The following ABCG2 variants were observed in gnomAD, a reference collection of about 807,000 sequenced individuals.
ABCG2 encodes ATP binding cassette subfamily G member 2 (JR blood group).
In ABCG2, 80 loss-of-function variants were observed where a neutral mutation model predicts 73.5. The observed-to-expected ratio is 1.09, with a 90% CI of 0.91 to 1.31. The LOEUF (loss-of-function observed/expected upper bound fraction) is 1.31, where lower values mean the gene tolerates loss of function less well. Ranked by LOEUF, ABCG2 falls within the 50% of genes most tolerant of loss-of-function variation. The pLI is 0.00. For synonymous variants in ABCG2, 269 were observed against 282.4 expected, an observed-to-expected ratio of 0.95 and a Z score of 0.48; for missense variants, 796 against 786.2, an observed-to-expected ratio of 1.01 and a Z score of -0.15.
intron 1 of ABCG2, among the ~76,000 whole-genome samples, chr4:88,182,355 A>G: frequency 6.6e-6 from 1 of 152,208 alleles, no homozygotes; most frequent in East Asian, 1.9e-4. Context: ...CAGACAGAAA[A>G]TCAACAAAGA....
chr4:88,174,081 G>T (rs1276741379), intron 1 of ABCG2, among the ~76,000 whole-genome samples: 2 of 151,932 alleles, frequency 1.3e-5, no homozygotes, highest in Admixed American at 1.3e-4. Flanking sequence ...TTTGTAGACA[G>T]GGTTTTTGAA....
At chr4:88,205,807 A>G (rs1229578528) in intron 1 of ABCG2, among the ~76,000 whole-genome samples, 1 of 152,112 alleles carries the variant, frequency 6.6e-6, no homozygotes, top group Non-Finnish European at 1.5e-5. Flanking sequence ...ATCAACCCCC[A>G]GAGTAGCTGG....
Position 88,230,308 on chromosome 4 carries a change from T to TATATATATA in ABCG2, c.-20+685_-20+686insTATATATAT, listed in dbSNP as rs746680651. ...CGCACCTGTTATATATATATATATA[T>TATATATATA]TTTTTTTTTTGGCCACATATATATA... On this transcript the variant is annotated intron_variant, in intron 1 of 15. Transcript: ENST00000515655. 2.6e-3 allele frequency among the ~76,000 whole-genome samples: 252 copies of TATATATATA among 96,198 alleles called. 27 individuals are homozygous for TATATATATA. The highest frequency in any genetic ancestry group is 0.013 in the Middle Eastern group (2 of 158). 63.1% of individuals were successfully genotyped at this position (96,198 alleles called of 152,430 possible).
intron 1 of ABCG2, among the ~76,000 whole-genome samples, chr4:88,176,867 AATTTCCTGAAGTGATAGT>A (rs1483690120): frequency 6.6e-6 from 1 of 151,998 alleles, no homozygotes; most frequent in Non-Finnish European, 1.5e-5. Flanking sequence ...TTCTATACTT[AATTTCCTGAAGTGATAGT>A]ATTTCTCTAT....
At chr4:88,185,262 G>A (rs1728406467) in intron 1 of ABCG2, among the ~76,000 whole-genome samples, 1 of 152,180 alleles carries the variant, frequency 6.6e-6, no homozygotes, top group Non-Finnish European at 1.5e-5. Context: ...TACTCGTGAG[G>A]CTGAGGGAGG....
At chr4:88,189,118 G>A (rs1369867755) in intron 1 of ABCG2, among the ~76,000 whole-genome samples, 1 of 152,124 alleles carries the variant, frequency 6.6e-6, no homozygotes, top group Non-Finnish European at 1.5e-5. Flanking sequence ...ATGTTTTGAA[G>A]TTTGCAGTAC....
rs1225095319 is a variant in ABCG2, at chr4:88,092,215, T to C, written c.*19A>G. The C allele has an allele frequency of 6.3e-7, 1 of 1,585,738 alleles. No homozygotes were observed. Among genetic ancestry groups the C allele is most frequent in the Non-Finnish European group, 8.6e-7 (1 of 1,163,334 alleles). ...TTCTTTTTTATGTGAGGATAAATCA[T>C]ACTGAATTAAGGGGAAATTTAAGAA... On this transcript the variant is annotated 3_prime_UTR_variant, in exon 16 of 16. Transcript: ENST00000237612.
chr4:88,199,845 A>T (rs1214219073), intron 1 of ABCG2, among the ~76,000 whole-genome samples: 2 of 151,928 alleles, frequency 1.3e-5, no homozygotes, highest in African/African-American at 4.8e-5. Context: ...TAAAAATACA[A>T]AAAAGATTAG....
intron 5 of ABCG2, among the ~76,000 whole-genome samples, chr4:88,125,032 C>G (rs1054740676): frequency 5.3e-5 from 8 of 152,184 alleles, no homozygotes; most frequent in African/African-American, 1.7e-4. Context: ...GTGGCTCATG[C>G]CTGTAATCCC....
chr4:88,125,607 C>CAAAA lies in ABCG2; in HGVS notation c.532-3819_532-3816dup, dbSNP rs70957302. On this transcript the variant is annotated intron_variant, in intron 5 of 15. Coordinates refer to ENST00000237612, the MANE Select transcript of ABCG2 (RefSeq NM_004827.3). The stretch of plus-strand genomic sequence containing the variant: ...TGGGCAACAGAGCAAGACTCTGTCT[C>CAAAA]AAAAAAAAAAAAAAAAAAAAAAAAA... 1.5e-3 allele frequency among the ~76,000 whole-genome samples: 53 copies of CAAAA among 34,980 alleles called. 3 individuals are homozygous for CAAAA. Among genetic ancestry groups the CAAAA allele is most frequent in the Non-Finnish European group, 2.1e-3 (41 of 19,798 alleles). 22.9% of individuals were successfully genotyped at this position (34,980 alleles called of 152,430 possible). A position where few individuals can be genotyped will look rare whatever the true frequency, so the allele number is the denominator to read the frequency against.
At chr4:88,207,311 T>A (rs982772964) in intron 1 of ABCG2, among the ~76,000 whole-genome samples, 5 of 151,864 alleles carry the variant, frequency 3.3e-5, no homozygotes, top group African/African-American at 7.3e-5. Flanking sequence ...TGATTTTTTT[T>A]AAATAACATT....
intron 4 of ABCG2, 59 bp downstream of exon 4, chr4:88,131,743 CA>C: frequency 1.6e-6 from 2 of 1,255,712 alleles, no homozygotes; most frequent in Non-Finnish European, 2.3e-6. Flanking sequence ...AACTATCAGC[CA>C]AAGCACTTAC....
intron 9 of ABCG2, among the ~76,000 whole-genome samples, chr4:88,112,641 T>C (rs867222408): frequency 6.6e-6 from 1 of 152,084 alleles, no homozygotes; most frequent in African/African-American, 2.4e-5. Flanking sequence ...ACAGGCCCTA[T>C]AAGAACAAGT....
chr4:88,200,017 T>C (rs1419432164), intron 1 of ABCG2, among the ~76,000 whole-genome samples: 2 of 151,942 alleles, frequency 1.3e-5, no homozygotes, highest in African/African-American at 2.4e-5. Context: ...AAAGTTATTT[T>C]ACTTTATTTT....
At chr4:88,131,740 A>C (rs966440045) in intron 4 of ABCG2, 63 bp downstream of exon 4, 1 of 1,197,164 alleles carries the variant, frequency 8.4e-7, no homozygotes, top group East Asian at 2.4e-5. Flanking sequence ...TTGAACTATC[A>C]GCCAAAGCAC....
intron 1 of ABCG2, among the ~76,000 whole-genome samples, chr4:88,216,360 C>A (rs1357035956): frequency 6.6e-6 from 1 of 152,126 alleles, no homozygotes; most frequent in East Asian, 1.9e-4. Context: ...CGTGTACATC[C>A]AGTAGATTGT....
intron 1 of ABCG2, among the ~76,000 whole-genome samples, chr4:88,217,340 AC>A (rs1467564645): frequency 6.6e-6 from 1 of 152,084 alleles, no homozygotes; most frequent in African/African-American, 2.4e-5. Flanking sequence ...GATACCTTAA[AC>A]CAGCAGTCAA....
chr4:88,202,374 A>ATATATATATATATATATATATATATG lies in ABCG2; in HGVS notation c.-20+28619_-20+28620insCATATATATATATATATATATATATA, dbSNP rs1240795047. 4.2e-3 allele frequency among the ~76,000 whole-genome samples: 486 copies of ATATATATATATATATATATATATATG among 115,468 alleles called. 7 individuals carry two copies. Among genetic ancestry groups the ATATATATATATATATATATATATATG allele is most frequent in the Non-Finnish European group, 6.8e-3 (368 of 53,862 alleles). 75.8% of individuals were successfully genotyped at this position (115,468 alleles called of 152,430 possible). ...ATTATTTATATATATATATATATAT[A>ATATATATATATATATATATATATATG]TATGTATATTTTAATTAGCTGGGCA... On this transcript the variant is annotated intron_variant, in intron 1 of 15. Coordinates refer to the ABCG2 transcript ENST00000515655.
At chr4:88,199,855 G>A (rs1729085026) in intron 1 of ABCG2, among the ~76,000 whole-genome samples, 1 of 152,214 alleles carries the variant, frequency 6.6e-6, no homozygotes, top group South Asian at 2.1e-4. Flanking sequence ...AAAAAGATTA[G>A]CCGGGCGTGG....
Sources: allele counts gnomAD v4.1 joint callset (sites outside exome capture counted in the v4.1 genomes callset), GRCh38; gene constraint gnomAD v4.1.1; transcripts MANE v1.5; gene names NCBI Gene and HGNC (gene_info 2026-07-23, HGNC 2026-07-21).